Variants in LPP observed in about 807,000 individuals in gnomAD.
LPP encodes LIM domain containing preferred translocation partner in lipoma, also known as lipoma-preferred partner.
In LPP, 38 loss-of-function variants were observed where a neutral mutation model predicts 60.4. That is an observed-to-expected ratio of 0.63 (90% CI 0.49 to 0.83). The LOEUF (loss-of-function observed/expected upper bound fraction) is 0.83. LPP is among the 40% of genes least tolerant of loss of function. The pLI is 0.00. For missense variants in LPP, 902 were observed against 783.6 expected (o/e 1.15, Z -1.80); for synonymous variants, 328 against 290.8 (o/e 1.13, Z -1.30).
intron 8 of LPP, among the ~76,000 whole-genome samples, chr3:188,730,852 A>G (rs1394385495): frequency 1.3e-5 from 2 of 152,138 alleles, no homozygotes; most frequent in African/African-American, 4.8e-5. Flanking sequence ...AACTGACCAC[A>G]TTCCTTGACT....
intron 1 of LPP, among the ~76,000 whole-genome samples, chr3:188,169,682 A>G (rs1356055943): frequency 6.6e-6 from 1 of 152,166 alleles, no homozygotes; most frequent in Non-Finnish European, 1.5e-5. Flanking sequence ...TTATTTGATC[A>G]TAGAACCCCT....
chr3:188,872,089 T>A (rs779498204), intron 10 of LPP, among the ~76,000 whole-genome samples: 1 of 152,192 alleles, frequency 6.6e-6, no homozygotes, highest in Non-Finnish European at 1.5e-5. Context: ...TTTTGTGTAA[T>A]GTATATTTAA....
At chr3:188,722,255 T>A (rs1307112772) in intron 8 of LPP, among the ~76,000 whole-genome samples, 1 of 152,198 alleles carries the variant, frequency 6.6e-6, no homozygotes, top group Non-Finnish European at 1.5e-5. Flanking sequence ...GCAGCGTCAC[T>A]GTGTTTCAGC....
At chr3:188,286,463 C>T (rs1030139093) in intron 2 of LPP, among the ~76,000 whole-genome samples, 1 of 152,188 alleles carries the variant, frequency 6.6e-6, no homozygotes, top group Admixed American at 6.5e-5. Flanking sequence ...AGAAAGTCCT[C>T]TCGGATCCTC....
intron 2 of LPP, among the ~76,000 whole-genome samples, chr3:188,338,881 G>T (rs569510406): frequency 1.3e-5 from 2 of 152,268 alleles, no homozygotes; most frequent in Admixed American, 1.3e-4. Context: ...GTGAGGTGTG[G>T]TGGAAAATTC....
At chr3:188,655,635 T>A (rs112975687) in intron 7 of LPP, among the ~76,000 whole-genome samples, 1 of 152,194 alleles carries the variant, frequency 6.6e-6, no homozygotes, top group South Asian at 2.1e-4. Flanking sequence ...CTGGGTTGAA[T>A]AGATCACCAT....
intron 5 of LPP, among the ~76,000 whole-genome samples, chr3:188,518,248 C>T (rs945346187): frequency 1.3e-5 from 2 of 152,038 alleles, no homozygotes; most frequent in Admixed American, 1.3e-4. Context: ...CACCATTTTC[C>T]CCCACTGATA....
At chr3:188,593,811 T>C (rs1347636115) in intron 6 of LPP, among the ~76,000 whole-genome samples, 3 of 152,224 alleles carry the variant, frequency 2.0e-5, no homozygotes, top group Admixed American at 1.3e-4. Flanking sequence ...CCACTGTATA[T>C]GTATACACCG....
rs1387165233 is a variant in LPP at position 188,610,718 on chromosome 3, T to A, written c.1113+874T>A. Among the ~76,000 whole-genome samples the A allele has an allele frequency of 1.3e-5, 2 of 152,282 alleles. No individual in the cohort carries two copies. Among genetic ancestry groups the A allele is most frequent in the South Asian group, 2.1e-4 (1 of 4,828 alleles). ...ACATGCCCACTCACCACAACTTGGATTTTTCATTAGTACTGGAACCAACAC... is the reference window on the plus strand; with the variant it reads ...ACATGCCCACTCACCACAACTTGGAATTTTCATTAGTACTGGAACCAACAC... On this transcript the variant is annotated intron_variant, in intron 7 of 11. Coordinates refer to ENST00000617246, the MANE Select transcript of LPP (RefSeq NM_001375462.1). This position sits in a 1 kb window ranked among gnomAD's most constrained non-coding sequence, Gnocchi z 4.4.
chr3:188,317,924 T>C (rs1400642478), intron 2 of LPP, among the ~76,000 whole-genome samples: 2 of 152,122 alleles, frequency 1.3e-5, no homozygotes, highest in African/African-American at 4.8e-5. Flanking sequence ...GGAGTACCGA[T>C]CTGGAGACAA....
intron 2 of LPP, chr3:188,240,164 T>C (rs1391143557): frequency 5.4e-6 from 1 of 185,542 alleles, no homozygotes; most frequent in Non-Finnish European, 1.1e-5. Context: ...CATCTCAAGG[T>C]GGGGTTTATG....
chr3:188,431,893 T>A (rs1292201865), intron 4 of LPP, among the ~76,000 whole-genome samples: 1 of 152,162 alleles, frequency 6.6e-6, no homozygotes, highest in Non-Finnish European at 1.5e-5. Flanking sequence ...GTGACATGGG[T>A]CATAGTCTCC....
chr3:188,800,927 T>C (rs1210033451), intron 9 of LPP, among the ~76,000 whole-genome samples: 2 of 152,212 alleles, frequency 1.3e-5, no homozygotes, highest in South Asian at 4.1e-4. Flanking sequence ...TTGGTAGTTA[T>C]ATGAGTTTTA....
chr3:188,367,142 C>T (rs1185391987), intron 3 of LPP, among the ~76,000 whole-genome samples: 1 of 152,064 alleles, frequency 6.6e-6, no homozygotes, highest in Non-Finnish European at 1.5e-5. Context: ...ATGATCCACC[C>T]ACCTTGGCCT....
At chr3:188,545,566 G>T (rs994182084) in intron 6 of LPP, among the ~76,000 whole-genome samples, 2 of 152,046 alleles carry the variant, frequency 1.3e-5, no homozygotes, top group Admixed American at 1.3e-4. Context: ...GAGCCCATGT[G>T]CCTCGATTTG....
chr3:188,762,897 C>G (rs372550388), intron 9 of LPP, among the ~76,000 whole-genome samples: 1 of 151,878 alleles, frequency 6.6e-6, no homozygotes, highest in African/African-American at 2.4e-5. Flanking sequence ...TACCAAAGAC[C>G]CTTGTTCAAT....
In LPP at chr3:188,474,505, C is replaced by T. The variant is rs140038010; in HGVS notation, c.194-10087C>T. ...TTAAAGTGTTTTTATTATGAAACCA[C>T]GCTCCCTCAGGCACCATCATTGTCT... On this transcript the variant is annotated intron_variant, in intron 4 of 11. Transcript: ENST00000617246. 1.1e-3 allele frequency among the ~76,000 whole-genome samples: 171 copies of T among 149,350 alleles called. 1 individual carries two copies. Among genetic ancestry groups the T allele is most frequent in the African/African-American group, 3.7e-3 (153 of 41,070 alleles).
At chr3:188,511,594 G>A (rs1474303248) in intron 5 of LPP, among the ~76,000 whole-genome samples, 2 of 151,916 alleles carry the variant, frequency 1.3e-5, no homozygotes, top group Non-Finnish European at 2.9e-5. Context: ...AAGTGCTAGA[G>A]CTTTGGAGCA....
chr3:188,423,804 G>GT (rs1788531951), intron 4 of LPP, among the ~76,000 whole-genome samples: 1 of 151,316 alleles, frequency 6.6e-6, no homozygotes, highest in Non-Finnish European at 1.5e-5. Flanking sequence ...GGCATTGTTT[G>GT]TTTTTTTCTT....
Sources: allele counts gnomAD v4.1 joint callset (sites outside exome capture counted in the v4.1 genomes callset), GRCh38; gene constraint gnomAD v4.1.1; non-coding constraint Gnocchi (gnomAD v3.1); transcripts MANE v1.5; gene names NCBI Gene and HGNC (gene_info 2026-07-23, HGNC 2026-07-21).